Variants in SLC38A9 observed in about 807,000 individuals in gnomAD.
SLC38A9 encodes neutral amino acid transporter 9.
Under a neutral mutation model 62.3 loss-of-function variants are expected in SLC38A9, and 48 were observed. The observed-to-expected ratio is 0.77, with a 90% CI of 0.61 to 0.98. The LOEUF (loss-of-function observed/expected upper bound fraction) is 0.98. SLC38A9 is among the 50% of genes least tolerant of loss of function. The pLI is 0.00. For synonymous variants in SLC38A9, 204 were observed against 227.7 expected (o/e 0.90, Z 0.94); for missense variants, 541 against 679.8 (o/e 0.80, Z 2.27).
intron 3 of SLC38A9, among the ~76,000 whole-genome samples, chr5:55,681,046 A>T (rs1017016883): frequency 6.6e-6 from 1 of 152,254 alleles, no homozygotes; most frequent in Non-Finnish European, 1.5e-5. Flanking sequence ...AAGTAGTGCT[A>T]GAAAGTATAT....
intron 3 of SLC38A9, among the ~76,000 whole-genome samples, chr5:55,691,682 C>A (rs1312813546): frequency 6.6e-6 from 1 of 152,180 alleles, no homozygotes; most frequent in East Asian, 1.9e-4. Flanking sequence ...ACCTCTTAGA[C>A]TGGTACTTGC....
chr5:55,699,253 C>CA (rs888165188), intron 2 of SLC38A9, among the ~76,000 whole-genome samples: 1 of 152,038 alleles, frequency 6.6e-6, no homozygotes, highest in African/African-American at 2.4e-5. Context: ...AGACTCATCT[C>CA]AAAAAAATAA....
At chr5:55,662,342 A>G (rs1250367309) in intron 8 of SLC38A9, among the ~76,000 whole-genome samples, 3 of 152,212 alleles carry the variant, frequency 2.0e-5, no homozygotes, top group African/African-American at 7.2e-5. Context: ...GAGATGATGA[A>G]AGACAGAAAG....
chr5:55,631,551 G>A (rs1438425256), intron 14 of SLC38A9, among the ~76,000 whole-genome samples: 2 of 152,028 alleles, frequency 1.3e-5, no homozygotes, highest in Non-Finnish European at 2.9e-5. Flanking sequence ...CACAATCAGA[G>A]GCTTACATTT....
intron 3 of SLC38A9, among the ~76,000 whole-genome samples, chr5:55,677,837 T>C (rs1752331903): frequency 6.6e-6 from 1 of 151,874 alleles, no homozygotes. Flanking sequence ...CCAAGAATTG[T>C]TCTGTCTATC....
intron 15 of SLC38A9, 98 bp from the exon 16 acceptor site, chr5:55,626,757 A>G: frequency 9.3e-7 from 1 of 1,072,906 alleles, no homozygotes; most frequent in South Asian, 2.9e-5. Context: ...TCAGTCTGAT[A>G]GCTCAACAAA....
chr5:55,655,792 T>C (rs963872978), intron 9 of SLC38A9, among the ~76,000 whole-genome samples: 1 of 152,174 alleles, frequency 6.6e-6, no homozygotes, highest in African/African-American at 2.4e-5. Context: ...CAGTTTAGTA[T>C]CCCTGAAATC....
chr5:55,641,752 A>G (rs1745476054), intron 12 of SLC38A9, among the ~76,000 whole-genome samples: 2 of 152,368 alleles, frequency 1.3e-5, no homozygotes, highest in East Asian at 1.9e-4. Flanking sequence ...AGTGAAAAAC[A>G]TACACAGTGA....
At chr5:55,674,136 C>G (rs1005891438) in intron 3 of SLC38A9, among the ~76,000 whole-genome samples, 25 of 152,172 alleles carry the variant, frequency 1.6e-4, no homozygotes, top group African/African-American at 5.8e-4. Context: ...TTAGTTTTAT[C>G]TCTCTAGTTA....
At chr5:55,658,096 A>G (rs961622297) in intron 8 of SLC38A9, 1 of 152,238 alleles carries the variant, frequency 6.6e-6, no homozygotes, top group Non-Finnish European at 1.5e-5. Context: ...TGTAGATACA[A>G]TCAAGTTAAG....
intron 8 of SLC38A9, among the ~76,000 whole-genome samples, chr5:55,660,316 G>C (rs557126623): frequency 5.3e-5 from 8 of 152,052 alleles, no homozygotes; most frequent in Non-Finnish European, 1.0e-4. Context: ...GGGAGGCTGA[G>C]GTGAGAGGAT....
intron 8 of SLC38A9, 86 bp from the exon 9 acceptor site, chr5:55,656,860 CTT>C: frequency 4.3e-6 from 2 of 462,076 alleles, no homozygotes; most frequent in Middle Eastern, 6.5e-4. Flanking sequence ...TTATAAAAAT[CTT>C]TTTTTTTTCT....
chr5:55,665,551 A>C (rs1447001198), intron 7 of SLC38A9, among the ~76,000 whole-genome samples: 1 of 151,834 alleles, frequency 6.6e-6, no homozygotes, highest in Non-Finnish European at 1.5e-5. Context: ...CATCTCAAAA[A>C]AAAAAAAAGA....
intron 12 of SLC38A9, among the ~76,000 whole-genome samples, chr5:55,639,209 G>T (rs1281996688): frequency 6.7e-6 from 1 of 149,628 alleles, no homozygotes; most frequent in African/African-American, 2.5e-5. Context: ...GAAGGCGGAG[G>T]TTGCAGCGAG....
At chr5:55,647,782 A>ATTT (rs1332087302) in intron 11 of SLC38A9, among the ~76,000 whole-genome samples, 5 of 152,278 alleles carry the variant, frequency 3.3e-5, no homozygotes, top group African/African-American at 4.8e-5. Context: ...TTTCTTGAAA[A>ATTT]CCTGAGATTC....
In SLC38A9 at chr5:55,626,407, C is replaced by T. The variant is rs540512916; in HGVS notation, c.*87G>A. On this transcript the variant is annotated 3_prime_UTR_variant, in exon 16 of 16. Coordinates refer to ENST00000396865, the MANE Select transcript of SLC38A9 (RefSeq NM_173514.4). ...TTAGAAAATATTTAGAATTACACAA[C>T]AGCAGCATTTACAAGTGAATTTATA... 9.9e-6 allele frequency: 11 copies of T among 1,114,418 alleles called. No homozygotes were observed. In the South Asian group the frequency reaches 1.9e-4, roughly 19 times the overall value. The allele number at this position is 1,114,418 out of a possible 1,614,324, so 69.0% of individuals were successfully genotyped here. A position where few individuals can be genotyped will look rare whatever the true frequency, so the allele number is the denominator to read the frequency against.
intron 3 of SLC38A9, chr5:55,691,112 C>T: frequency 1.4e-6 from 1 of 701,956 alleles, no homozygotes; most frequent in Admixed American, 2.0e-5. Context: ...GCCTGTACCC[C>T]ACTTGGCTTA....
chr5:55,662,687 C>A (rs72760004), intron 8 of SLC38A9, among the ~76,000 whole-genome samples: 1,951 of 141,112 alleles, frequency 0.014, 23 homozygotes, highest in African/African-American at 0.035. Flanking sequence ...AAAAAAAAAC[C>A]AAAAAAAAAA....
intron 10 of SLC38A9, among the ~76,000 whole-genome samples, chr5:55,652,085 G>A (rs1307816555): frequency 6.6e-6 from 1 of 151,314 alleles, no homozygotes; most frequent in East Asian, 1.9e-4. Context: ...ATTGCCGGGC[G>A]TGCTGGCTCA....
Sources: allele counts gnomAD v4.1 joint callset (sites outside exome capture counted in the v4.1 genomes callset), GRCh38; gene constraint gnomAD v4.1.1; transcripts MANE v1.5; gene names NCBI Gene and HGNC (gene_info 2026-07-23, HGNC 2026-07-21).